The following FBLN7 variants were observed in gnomAD, a reference collection of about 807,000 sequenced individuals.
FBLN7 encodes the protein fibulin 7, also known as fibulin-7.
In FBLN7, 31 loss-of-function variants were observed where a neutral mutation model predicts 44.0. The observed-to-expected ratio is 0.70, with a 90% CI of 0.53 to 0.95. FBLN7 has a LOEUF of 0.95. Among genes scored for constraint, FBLN7 ranks in the 40% least tolerant of loss-of-function variants. The probability of loss-of-function intolerance (pLI) is 0.00; values close to 1 mark genes in which losing one functional copy is unlikely to be tolerated. For synonymous variants in FBLN7, 262 were observed against 253.4 expected, an observed-to-expected ratio of 1.03 and a Z score of -0.32; for missense variants, 573 against 618.5, an observed-to-expected ratio of 0.93 and a Z score of 0.78.
chr2:112,188,746 G>C (rs1683384503), downstream of FBLN7: 1 of 152,190 alleles, frequency 6.6e-6, no homozygotes, highest in Non-Finnish European at 1.5e-5. Flanking sequence ...CCTACATCAA[G>C]ATGGTTTCTA....
chr2:112,153,870 A>G (rs968821390), intron 1 of FBLN7, among the ~76,000 whole-genome samples: 1 of 152,324 alleles, frequency 6.6e-6, no homozygotes, highest in South Asian at 2.1e-4. Context: ...GGAGATGGAC[A>G]AGAATTCCCG....
chr2:112,209,420 TG>T, the FBLN7 span, among the ~76,000 whole-genome samples: 2 of 152,234 alleles, frequency 1.3e-5, no homozygotes, highest in East Asian at 3.8e-4. Flanking sequence ...TTTAGCTTTC[TG>T]GTGTGAAATG....
intron 3 of FBLN7, among the ~76,000 whole-genome samples, chr2:112,166,371 T>C (rs1296090798): frequency 2.6e-5 from 4 of 152,176 alleles, no homozygotes; most frequent in African/African-American, 9.6e-5. Flanking sequence ...TTTGGATGCT[T>C]AAATTACTTG....
chr2:112,138,798 C>T, intron 1 of FBLN7, 68 bp downstream of exon 1: 1 of 1,297,248 alleles, frequency 7.7e-7, no homozygotes, highest in Non-Finnish European at 1.0e-6. Flanking sequence ...AGTGTCCCTC[C>T]CGCCTCTCTC....
chr2:112,193,170 G>T (rs1683543011), downstream of FBLN7, among the ~76,000 whole-genome samples: 1 of 152,212 alleles, frequency 6.6e-6, no homozygotes. Flanking sequence ...GCTGGGTGCG[G>T]TGGGTCACAC....
the FBLN7 span, among the ~76,000 whole-genome samples, chr2:112,199,830 G>A: frequency 6.6e-6 from 1 of 152,120 alleles, no homozygotes; most frequent in African/African-American, 2.4e-5. Context: ...GTTCGTTATT[G>A]AGGGAAGGGC....
At position 112,186,165 on chromosome 2, in the gene FBLN7, C is replaced by T. The variant is rs776415479; in HGVS notation, c.947+826C>T. Among the ~76,000 whole-genome samples, 106 of 152,212 alleles carry T rather than the reference C, an allele frequency of 7.0e-4. 1 individual carries two copies. The highest frequency in any genetic ancestry group is 2.2e-3 in the African/African-American group (91 of 41,556). On this transcript the variant is annotated intron_variant, in intron 7 of 7. Coordinates refer to ENST00000331203, the MANE Select transcript of FBLN7 (RefSeq NM_153214.3). ...GAAGGGATAGGGAACGGGTCTATGA[C>T]GGCCTCTGGGGCATTCGACCAACAG...
At chr2:112,193,257 A>G in the FBLN7 span, among the ~76,000 whole-genome samples, 1 of 152,210 alleles carries the variant, frequency 6.6e-6, no homozygotes, top group African/African-American at 2.4e-5. Context: ...CCTGGCCAAC[A>G]TGGTGAAACT....
the FBLN7 span, chr2:112,236,443 C>T: frequency 2.1e-4 from 285 of 1,377,960 alleles, 1 homozygote; most frequent in Middle Eastern, 6.0e-3. Flanking sequence ...ATCCGAAAAC[C>T]GATTCTGTGG....
rs534723668 is a variant in FBLN7 at position 112,175,441 on chromosome 2, A to T, written c.407-273A>T. ...CCTGTGGGTGGGGTATGGCCAGCTC[A>T]TAGGCCAGCTCCTGCATGCAGAGCC... On this transcript the variant is annotated intron_variant, in intron 3 of 7. Coordinates refer to ENST00000331203, the MANE Select transcript of FBLN7 (RefSeq NM_153214.3). 3.3e-5 allele frequency among the ~76,000 whole-genome samples: 5 copies of T among 152,328 alleles called. No individual in the cohort carries two copies. The South Asian group carries it at 1.0e-3, about 32-fold the overall frequency.
At chr2:112,163,088 C>T (rs980035397) in intron 2 of FBLN7, among the ~76,000 whole-genome samples, 2 of 152,178 alleles carry the variant, frequency 1.3e-5, no homozygotes, top group African/African-American at 4.8e-5. Flanking sequence ...GGCAGATATT[C>T]CCCAATCACC....
chr2:112,187,440 G>A lies in FBLN7; in HGVS notation c.1254G>A (p.Leu418=). The part of the protein sequence containing the change: ...LEVDVDMSEY[L]DRSFQANHVS... The stretch of plus-strand genomic sequence containing the variant: ...TGGACGTCGACATGTCGGAATACCT[G>A]GACCGCTCCTTCCAGGCCAACCACG... The change falls in exon 8 of 8, where the codon CTG becomes CTA. Residue 418 remains leucine (L), a synonymous_variant. Transcript: ENST00000331203. This position sits in a 1 kb window ranked among gnomAD's most constrained non-coding sequence, Gnocchi z 5.1. 6.2e-7 allele frequency: 1 copy of A among 1,614,182 alleles called. No individual in the cohort carries two copies. Among genetic ancestry groups the A allele is most frequent in the Non-Finnish European group, 8.5e-7 (1 of 1,180,044 alleles).
intron 2 of FBLN7, among the ~76,000 whole-genome samples, chr2:112,161,913 C>G (rs1258647925): frequency 6.6e-6 from 1 of 152,238 alleles, no homozygotes; most frequent in Non-Finnish European, 1.5e-5. Context: ...CTGCAGAGGA[C>G]AGGCAGCTGT....
chr2:112,236,017 G>A, the FBLN7 span, among the ~76,000 whole-genome samples: 1 of 152,052 alleles, frequency 6.6e-6, no homozygotes, highest in East Asian at 1.9e-4. Context: ...GGAGGTGGTG[G>A]GTGGTGGGAG....
chr2:112,229,252 GAAC>G, the FBLN7 span, among the ~76,000 whole-genome samples: 4 of 152,060 alleles, frequency 2.6e-5, no homozygotes, highest in Admixed American at 2.0e-4. Context: ...GGGAAAAAGG[GAAC>G]AACAACAACA....
At chr2:112,155,562 G>A (rs1049098165) in intron 1 of FBLN7, among the ~76,000 whole-genome samples, 1 of 152,236 alleles carries the variant, frequency 6.6e-6, no homozygotes, top group African/African-American at 2.4e-5. Flanking sequence ...CCCTCGGCAA[G>A]TCAGCCTGGA....
chr2:112,144,969 G>A (rs550658970), intron 1 of FBLN7, among the ~76,000 whole-genome samples: 1 of 152,342 alleles, frequency 6.6e-6, no homozygotes, highest in South Asian at 2.1e-4. Flanking sequence ...AAATACCTGG[G>A]AGTGGGATTG....
chr2:112,162,981 G>A (rs1681955207), intron 2 of FBLN7, among the ~76,000 whole-genome samples: 1 of 152,198 alleles, frequency 6.6e-6, no homozygotes, highest in Non-Finnish European at 1.5e-5. Context: ...GAGCAGCCGA[G>A]TCCTGGGATG....
chr2:112,190,090 A>G (rs1374796010), downstream of FBLN7: 2 of 152,160 alleles, frequency 1.3e-5, no homozygotes, highest in Non-Finnish European at 2.9e-5. Flanking sequence ...GGTCATTTAT[A>G]TTGTAGAATT....
Sources: gnomAD v4.1 joint callset for allele counts (sites outside exome capture counted in the v4.1 genomes callset) on GRCh38, gnomAD v4.1.1 for gene constraint, Gnocchi (gnomAD v3.1) non-coding constraint, MANE v1.5 for transcripts, NCBI Gene and HGNC (gene_info 2026-07-23, HGNC 2026-07-21) for gene names.